Variants in C20orf203 observed in about 807,000 individuals in gnomAD.
The protein encoded by C20orf203 is uncharacterized protein C20orf203.
A neutral mutation model predicts 15.9 loss-of-function variants in C20orf203; 16 were observed. That is an observed-to-expected ratio of 1.01 (90% CI 0.68 to 1.53). The LOEUF is 1.53. C20orf203 is among the 40% of genes most tolerant of loss of function. C20orf203 has a pLI of 0.00. For missense variants in C20orf203, 263 were observed against 247.5 expected (o/e 1.06, Z -0.42); for synonymous variants, 98 against 97.2 (o/e 1.01, Z -0.05).
chr20:32,652,424 G>A (rs570810973), intron 1 of C20orf203, among the ~76,000 whole-genome samples: 25 of 152,026 alleles, frequency 1.6e-4, no homozygotes, highest in African/African-American at 5.8e-4. Flanking sequence ...TTGGGATGGC[G>A]GGGAGATGCT....
intron 5 of C20orf203, among the ~76,000 whole-genome samples, chr20:32,637,829 A>G (rs1292939564): frequency 6.6e-6 from 1 of 152,168 alleles, no homozygotes; most frequent in Non-Finnish European, 1.5e-5. Context: ...AATTTGTTCA[A>G]CAGACATCAG....
intron 1 of C20orf203, among the ~76,000 whole-genome samples, chr20:32,665,234 T>C (rs1181079849): frequency 6.6e-6 from 1 of 152,132 alleles, no homozygotes; most frequent in Non-Finnish European, 1.5e-5. Context: ...GGCTAAATCC[T>C]AAGTAGCAGC....
At chr20:32,634,474 G>A (rs891124125) in intron 5 of C20orf203, among the ~76,000 whole-genome samples, 11 of 152,108 alleles carry the variant, frequency 7.2e-5, no homozygotes, top group African/African-American at 1.7e-4. Flanking sequence ...AGCCAGCTCC[G>A]GGCCCAGCAG....
intron 1 of C20orf203, among the ~76,000 whole-genome samples, chr20:32,660,311 C>T (rs530647686): frequency 1.3e-5 from 2 of 152,284 alleles, no homozygotes; most frequent in South Asian, 4.1e-4. Context: ...AATGACAGAG[C>T]CAAGGGCCAA....
rs368764823 is a variant in C20orf203, at chr20:32,651,124, C to T, written c.29G>A (p.Arg10Gln). 1.1e-5 allele frequency: 13 copies of T among 1,176,942 alleles called. No homozygotes were observed. Among genetic ancestry groups the T allele is most frequent in the Middle Eastern group, 2.7e-4 (1 of 3,742 alleles). 72.9% of individuals were successfully genotyped at this position (1,176,942 alleles called of 1,614,324 possible). Residue 10 changes from arginine to glutamine, a missense_variant, in exon 3 of 6, where the codon CGG becomes CAG. Physicochemically the swap from Arg to Gln is conservative, Grantham distance 43. Transcript: ENST00000608990. ...CTGAGGCAGGAGAATCGCTTGAGCCCGGGAGTTCAAGACAGGCCTAGGAAA... is the reference window on the plus strand; with the variant it reads ...CTGAGGCAGGAGAATCGCTTGAGCCTGGGAGTTCAAGACAGGCCTAGGAAA... MFPRPVLNS[R>Q]AQAILLPQPP...
chr20:32,651,010 C>A lies in C20orf203; in HGVS notation c.135+8G>T. 1 of 1,482,554 alleles carries A rather than the reference C, an allele frequency of 6.7e-7. No individual in the cohort carries two copies. Among genetic ancestry groups the A allele is most frequent in the South Asian group, 1.4e-5 (1 of 72,670 alleles). The allele number at this position is 1,482,554 out of a possible 1,614,324, so 91.8% of individuals were successfully genotyped here. A position where few individuals can be genotyped will look rare whatever the true frequency, so the allele number is the denominator to read the frequency against. On this transcript the variant is annotated splice_region_variant and intron_variant, in intron 3 of 5. Coordinates refer to ENST00000608990, the MANE Select transcript of C20orf203 (RefSeq NM_182584.4). ...CCAGGTGTGGGAGACAGGGACAGCA[C>A]TTCTTACCCGGCTCAGCATTCCAGT...
At chr20:32,646,655 G>C (rs996203144) in intron 4 of C20orf203, among the ~76,000 whole-genome samples, 4 of 152,194 alleles carry the variant, frequency 2.6e-5, no homozygotes, top group Non-Finnish European at 5.9e-5. Context: ...GGTCATCTCC[G>C]GGGAGGGAAA....
At chr20:32,660,034 C>A (rs1449673962) in intron 1 of C20orf203, among the ~76,000 whole-genome samples, 3 of 152,144 alleles carry the variant, frequency 2.0e-5, no homozygotes, top group African/African-American at 7.2e-5. Flanking sequence ...CTCTTCTCAG[C>A]AGATCTATAA....
chr20:32,638,397 C>G (rs1982194942), intron 5 of C20orf203, among the ~76,000 whole-genome samples: 1 of 152,174 alleles, frequency 6.6e-6, no homozygotes, highest in African/African-American at 2.4e-5. Context: ...CAGTCAGACT[C>G]TGGAGGGTGC....
At chr20:32,664,936 A>G (rs995616288) in intron 1 of C20orf203, among the ~76,000 whole-genome samples, 6 of 152,346 alleles carry the variant, frequency 3.9e-5, no homozygotes, top group African/African-American at 1.4e-4. Flanking sequence ...TCACCGTGCT[A>G]GTGTGCAGCA....
At position 32,632,113 on chromosome 20, in the gene C20orf203, C is replaced by T. The variant is rs1003667104; in HGVS notation, c.*3457G>A. ...GACCCCCAGGGCTTAGGCAGGATGC[C>T]GCGTGGAACCCAGAGCAGTCTCCCC... On this transcript the variant is annotated 3_prime_UTR_variant, in exon 6 of 6. Coordinates refer to ENST00000608990, the MANE Select transcript of C20orf203 (RefSeq NM_182584.4). 6 of 152,318 alleles carry T rather than the reference C, an allele frequency of 3.9e-5. No homozygotes were observed. Among genetic ancestry groups the T allele is most frequent in the East Asian group, 1.9e-4 (1 of 5,172 alleles). The allele number at this position is 152,318 out of a possible 1,614,324, so 9.4% of individuals were successfully genotyped here.
At chr20:32,636,926 T>TTC (rs1317159878) in intron 5 of C20orf203, among the ~76,000 whole-genome samples, 1 of 152,202 alleles carries the variant, frequency 6.6e-6, no homozygotes, top group African/African-American at 2.4e-5. Flanking sequence ...TCACCCTGGC[T>TTC]TCTGTTGACT....
At chr20:32,664,826 GC>G (rs1306181365) in intron 1 of C20orf203, among the ~76,000 whole-genome samples, 1 of 152,228 alleles carries the variant, frequency 6.6e-6, no homozygotes, top group African/African-American at 2.4e-5. Flanking sequence ...CCCACACTGT[GC>G]CCCATGGGTG....
Position 32,650,268 on chromosome 20 carries a change from G to A in C20orf203, c.*164C>T, listed in dbSNP as rs1039651741. 4.9e-5 allele frequency: 30 copies of A among 612,432 alleles called. No individual in the cohort carries two copies. The highest frequency in any genetic ancestry group is 4.8e-4 in the South Asian group (24 of 49,630). The allele number at this position is 612,432 out of a possible 1,614,324, so 37.9% of individuals were successfully genotyped here. ...GCTGAATGCCTTGAATACAAGCGCC[G>A]GTGCCCAGAATCTCCTTGAGGTTTC... On this transcript the variant is annotated 3_prime_UTR_variant, in exon 4 of 6. Transcript: ENST00000608990.
intron 5 of C20orf203, among the ~76,000 whole-genome samples, chr20:32,637,399 G>A (rs1400027116): frequency 6.6e-6 from 1 of 152,174 alleles, no homozygotes; most frequent in African/African-American, 2.4e-5. Flanking sequence ...CTGGGTGATA[G>A]AGCAAGACTG....
chr20:32,667,467 C>G lies in C20orf203; in HGVS notation c.-264+6165G>C, dbSNP rs150089884. ...CAGTGAGACAGGGAGGCAGGCCTGG[C>G]CGTCTGCTTTTCCTCTCCCTCTCTT... On this transcript the variant is annotated intron_variant, in intron 1 of 5. Coordinates refer to ENST00000608990, the MANE Select transcript of C20orf203 (RefSeq NM_182584.4). Among the ~76,000 whole-genome samples, 3 of 152,300 alleles carry G rather than the reference C, an allele frequency of 2.0e-5. No individual in the cohort carries two copies. In the East Asian group the frequency reaches 5.8e-4, roughly 29 times the overall value.
At chr20:32,672,034 G>A (rs1302208251) in intron 1 of C20orf203, among the ~76,000 whole-genome samples, 1 of 151,818 alleles carries the variant, frequency 6.6e-6, no homozygotes, top group African/African-American at 2.4e-5. Flanking sequence ...AAATTTAAGA[G>A]GAGCCGGGGC....
intron 4 of C20orf203, among the ~76,000 whole-genome samples, chr20:32,645,000 G>A (rs1256003539): frequency 6.6e-6 from 1 of 151,664 alleles, no homozygotes; most frequent in African/African-American, 2.4e-5. Flanking sequence ...GCCACCACAC[G>A]CCCCAAACCC....
chr20:32,636,630 G>A (rs571392616), intron 5 of C20orf203, among the ~76,000 whole-genome samples: 1 of 152,250 alleles, frequency 6.6e-6, no homozygotes, highest in South Asian at 2.1e-4. Context: ...AGACAGCCTC[G>A]TCCTCACACC....
Sources: gnomAD v4.1 joint callset for allele counts (sites outside exome capture counted in the v4.1 genomes callset) on GRCh38, gnomAD v4.1.1 for gene constraint, MANE v1.5 for transcripts, NCBI Gene and HGNC (gene_info 2026-07-23, HGNC 2026-07-21) for gene names.